The following TIAM1 variants were observed in gnomAD, a reference collection of about 807,000 sequenced individuals.
The protein encoded by TIAM1 is rho guanine nucleotide exchange factor TIAM1.
In TIAM1, 65 loss-of-function variants were observed where a neutral mutation model predicts 163.5. That is an observed-to-expected ratio of 0.40 (90% CI 0.33 to 0.49). The LOEUF is 0.49. Among genes scored for constraint, TIAM1 ranks in the 20% least tolerant of loss-of-function variants. The probability of loss-of-function intolerance (pLI) is 0.77; values close to 1 mark genes in which losing one functional copy is unlikely to be tolerated. For missense variants in TIAM1, 1,789 were observed against 2,044.7 expected (o/e 0.87, Z 2.41); for synonymous variants, 833 against 810.1 (o/e 1.03, Z -0.48).
At chr21:31,320,004 T>C (rs1254069558) in intron 2 of TIAM1, among the ~76,000 whole-genome samples, 1 of 152,158 alleles carries the variant, frequency 6.6e-6, no homozygotes, top group Non-Finnish European at 1.5e-5. Context: ...TCACTGTTTA[T>C]AGCAGCATTA....
chr21:31,247,445 A>T (rs1351041775), intron 5 of TIAM1, among the ~76,000 whole-genome samples: 1 of 152,012 alleles, frequency 6.6e-6, no homozygotes, highest in Non-Finnish European at 1.5e-5. Flanking sequence ...CTCAGGCTGG[A>T]GTACAGTGGC....
At chr21:31,211,357 T>C (rs879626018) in intron 10 of TIAM1, among the ~76,000 whole-genome samples, 2 of 152,210 alleles carry the variant, frequency 1.3e-5, no homozygotes, top group African/African-American at 2.4e-5. Flanking sequence ...GAAAGAATGA[T>C]GTTAGATTTC....
Position 31,141,001 on chromosome 21 carries a change from C to A in TIAM1, c.3774+117G>T. 2.7e-6 allele frequency: 2 copies of A among 742,882 alleles called. No individual in the cohort carries two copies. Among genetic ancestry groups the A allele is most frequent in the Non-Finnish European group, 4.3e-6 (2 of 468,358 alleles). The allele number at this position is 742,882 out of a possible 1,614,324, so 46.0% of individuals were successfully genotyped here. ...ACAGATGTTCCACTAAGAAAAACAACAGCATCCTAACTATTTTACTTACAA... is the reference window on the plus strand; with the variant it reads ...ACAGATGTTCCACTAAGAAAAACAAAAGCATCCTAACTATTTTACTTACAA... On this transcript the variant is annotated intron_variant, in intron 22 of 27. Transcript: ENST00000541036. This position sits in a 1 kb window ranked among gnomAD's most constrained non-coding sequence, Gnocchi z 4.7.
At chr21:31,404,492 G>GAA (rs3216557) in intron 2 of TIAM1, among the ~76,000 whole-genome samples, 3,814 of 143,726 alleles carry the variant, frequency 0.027, 149 homozygotes, top group African/African-American at 0.089. Context: ...TTTTAAAGAG[G>GAA]AAAAAAAAAA....
In TIAM1 at chr21:31,221,697, G is replaced by A. The variant is rs1393361798; in HGVS notation, c.1995+1709C>T. 2.0e-5 allele frequency among the ~76,000 whole-genome samples: 3 copies of A among 152,314 alleles called. No individual in the cohort carries two copies. In the East Asian group the frequency reaches 5.8e-4, roughly 29 times the overall value. On this transcript the variant is annotated intron_variant, in intron 8 of 27. Transcript: ENST00000541036. ...GAGGAGGAAGCCACTTCGATGCTCCGGGTTTGGTATTAATACAGATGGTAC... is the reference window on the plus strand; with the variant it reads ...GAGGAGGAAGCCACTTCGATGCTCCAGGTTTGGTATTAATACAGATGGTAC...
intron 19 of TIAM1, among the ~76,000 whole-genome samples, chr21:31,151,984 C>CGATAAATTAATTTGTTTACT (rs1043388342): frequency 6.7e-6 from 1 of 148,428 alleles, no homozygotes; most frequent in Non-Finnish European, 1.5e-5. Flanking sequence ...TCCCAGAACA[C>CGATAAATTAATTTGTTTACT]GATAAATTAA....
At chr21:31,247,354 TA>T (rs1267329831) in intron 5 of TIAM1, among the ~76,000 whole-genome samples, 2 of 152,194 alleles carry the variant, frequency 1.3e-5, no homozygotes, top group South Asian at 4.2e-4. Flanking sequence ...TGCTTATTGT[TA>T]AAAAATTTTA....
intron 2 of TIAM1, among the ~76,000 whole-genome samples, chr21:31,317,220 C>T (rs970485779): frequency 6.6e-6 from 1 of 151,896 alleles, no homozygotes; most frequent in Non-Finnish European, 1.5e-5. Flanking sequence ...TTTGGGAGGC[C>T]GAAGAGGGTG....
chr21:31,323,415 C>T (rs899630614), intron 2 of TIAM1, among the ~76,000 whole-genome samples: 2 of 151,198 alleles, frequency 1.3e-5, no homozygotes, highest in Non-Finnish European at 3.0e-5. Context: ...TATTTAGAGA[C>T]ATCAGTGGTA....
At chr21:31,486,129 C>T (rs1029761337) in intron 1 of TIAM1, among the ~76,000 whole-genome samples, 3 of 152,182 alleles carry the variant, frequency 2.0e-5, no homozygotes, top group African/African-American at 7.2e-5. Flanking sequence ...TTCTTGTCCA[C>T]AATAAAATAT....
At chr21:31,355,168 A>G (rs1046666678) in intron 2 of TIAM1, among the ~76,000 whole-genome samples, 25 of 131,426 alleles carry the variant, frequency 1.9e-4, no homozygotes, top group African/African-American at 7.1e-4. Context: ...CTGTTCCCCC[A>G]CCACCAAAAA....
At chr21:31,407,506 G>T (rs751365282) in intron 2 of TIAM1, among the ~76,000 whole-genome samples, 1 of 152,110 alleles carries the variant, frequency 6.6e-6, no homozygotes, top group Non-Finnish European at 1.5e-5. Context: ...GTGCTGAGGT[G>T]AGCCACTGGA....
At chr21:31,275,233 T>C (rs1457551570) in intron 3 of TIAM1, among the ~76,000 whole-genome samples, 1 of 152,186 alleles carries the variant, frequency 6.6e-6, no homozygotes, top group Non-Finnish European at 1.5e-5. Context: ...GGATTGCTTG[T>C]AGGGCGTTTT....
In TIAM1 at chr21:31,395,255, G is replaced by A. The variant is rs935184368; in HGVS notation, c.-368-55833C>T. ...TCTGTCTCAAAAAAAAAAAAGAGGA[G>A]GTGGGGGGAGAACAAAACTAGTAAT... On this transcript the variant is annotated intron_variant, in intron 2 of 28. Coordinates refer to the TIAM1 transcript ENST00000286827. The surrounding 1 kb of genome is among the most constrained non-coding windows in gnomAD (Gnocchi z 7.5). Among the ~76,000 whole-genome samples, 1 of 151,802 alleles carries A rather than the reference G, an allele frequency of 6.6e-6. No individual in the cohort carries two copies. The highest frequency in any genetic ancestry group is 1.5e-5 in the Non-Finnish European group (1 of 67,920).
chr21:31,379,133 G>A (rs553431827), intron 2 of TIAM1, among the ~76,000 whole-genome samples: 10 of 152,118 alleles, frequency 6.6e-5, no homozygotes, highest in East Asian at 1.9e-4. Flanking sequence ...CACCACACCC[G>A]GCTAATTTTT....
chr21:31,331,053 G>T (rs535562515), intron 2 of TIAM1, among the ~76,000 whole-genome samples: 4 of 152,054 alleles, frequency 2.6e-5, no homozygotes, highest in Non-Finnish European at 5.9e-5. Context: ...TTCCCAACTG[G>T]TACTACCAGC....
intron 10 of TIAM1, among the ~76,000 whole-genome samples, chr21:31,210,553 A>AGAAG (rs1340402052): frequency 3.6e-5 from 4 of 112,408 alleles, no homozygotes; most frequent in Non-Finnish European, 5.0e-5. Flanking sequence ...AAAGAAAGAA[A>AGAAG]GAAAGAAAGA....
chr21:31,296,926 A>AG lies in TIAM1; in HGVS notation c.-188-20019_-188-20018insC, dbSNP rs548220544. ...AATCCGCCCGCCTTGGCCTCCCAAA[A>AG]TGCTGGGATTACGGGCATGAGCCAC... On this transcript the variant is annotated intron_variant, in intron 2 of 27. Coordinates refer to ENST00000541036, the MANE Select transcript of TIAM1 (RefSeq NM_001353694.2). Among the ~76,000 whole-genome samples the AG allele has an allele frequency of 2.4e-4, 37 of 152,058 alleles. No homozygotes were observed. In the East Asian group the frequency reaches 6.0e-3, roughly 25 times the overall value.
At chr21:31,410,402 GAC>G (rs1474244625) in intron 2 of TIAM1, among the ~76,000 whole-genome samples, 1 of 151,858 alleles carries the variant, frequency 6.6e-6, no homozygotes, top group Non-Finnish European at 1.5e-5. Context: ...ACGTAAATGA[GAC>G]AGTGAGAGTA....
Sources: gnomAD v4.1 joint callset for allele counts (sites outside exome capture counted in the v4.1 genomes callset) on GRCh38, gnomAD v4.1.1 for gene constraint, Gnocchi (gnomAD v3.1) non-coding constraint, MANE v1.5 for transcripts, NCBI Gene and HGNC (gene_info 2026-07-23, HGNC 2026-07-21) for gene names.